The following DAB2IP variants were observed in gnomAD, a reference collection of about 807,000 sequenced individuals.
DAB2IP encodes disabled homolog 2-interacting protein.
A neutral mutation model predicts 107.2 loss-of-function variants in DAB2IP; 28 were observed. That is an observed-to-expected ratio of 0.26 (90% CI 0.19 to 0.36). DAB2IP has a LOEUF of 0.36. DAB2IP is among the 10% of genes least tolerant of loss of function. The probability of loss-of-function intolerance (pLI) is 1.00; values close to 1 mark genes in which losing one functional copy is unlikely to be tolerated. For missense variants in DAB2IP, 1,400 were observed against 1,644.7 expected (o/e 0.85, Z 2.57); for synonymous variants, 755 against 706.4 (o/e 1.07, Z -1.09).
At chr9:121,638,959 G>T (rs1404834618) in intron 1 of DAB2IP, among the ~76,000 whole-genome samples, 1 of 152,174 alleles carries the variant, frequency 6.6e-6, no homozygotes, top group Non-Finnish European at 1.5e-5. Flanking sequence ...GCAGTGAAGG[G>T]CTGGGGGCCA....
At position 121,773,179 on chromosome 9, in the gene DAB2IP, G is replaced by A. The variant is rs553670712; in HGVS notation, c.2651G>A (p.Arg884Gln). ...AGCACTGCCGCGGAGGAGCTGGCTC[G>A]GCGGCCCGGTGAGCTGGCACGGCGA... The change falls in exon 12 of 16, where the codon CGG becomes CAG. Residue 884 changes from arginine to glutamine, a missense_variant. By Grantham distance (43) the Arg-to-Gln change is conservative. This residue lies in a region of DAB2IP where 600 missense variants were observed against 659.1 expected (regional missense o/e 0.91). Coordinates refer to ENST00000408936, the Ensembl canonical transcript of DAB2IP. 20 of 1,595,550 alleles carry A rather than the reference G, an allele frequency of 1.3e-5. No homozygotes were observed. The highest frequency in any genetic ancestry group is 5.4e-5 in the African/African-American group (4 of 74,562).
At chr9:121,656,695 T>C (rs1474651095) in intron 1 of DAB2IP, among the ~76,000 whole-genome samples, 1 of 152,228 alleles carries the variant, frequency 6.6e-6, no homozygotes, top group Admixed American at 6.5e-5. Context: ...GCCTGCTCCA[T>C]GCCTGGCAAT....
At position 121,699,187 on chromosome 9, in the gene DAB2IP, T is replaced by G. The variant is rs1829609943; in HGVS notation, c.229-138T>G. ...CGGGCGGGCGGCGCGGGCCGCGAGC[T>G]GCTGGGGCCGAGCCCGAGCCCGGCC... On this transcript the variant is annotated intron_variant, in intron 2 of 15. Coordinates refer to ENST00000408936, the Ensembl canonical transcript of DAB2IP. This position sits in a 1 kb window ranked among gnomAD's most constrained non-coding sequence, Gnocchi z 6.2. 2.1e-6 allele frequency: 2 copies of G among 941,162 alleles called. No homozygotes were observed. The highest frequency in any genetic ancestry group is 5.4e-4 in the Middle Eastern group (1 of 1,866). The allele number at this position is 941,162 out of a possible 1,614,324, so 58.3% of individuals were successfully genotyped here.
intron 5 of DAB2IP, 59 bp from the exon 6 acceptor site, chr9:121,759,826 G>T: frequency 1.3e-6 from 2 of 1,485,886 alleles, no homozygotes; most frequent in South Asian, 1.3e-5. Flanking sequence ...GCTCTGGGCT[G>T]GTTGGGGGTT....
At chr9:121,784,190 C>G (rs1207653023) in exon 16 of DAB2IP, 1 of 155,114 alleles carries the variant, frequency 6.4e-6, no homozygotes, top group Non-Finnish European at 1.4e-5. Flanking sequence ...GGATCACAGA[C>G]CACAGGAAGA....
chr9:121,639,065 C>G (rs541876837), intron 1 of DAB2IP, among the ~76,000 whole-genome samples: 6 of 152,284 alleles, frequency 3.9e-5, no homozygotes, highest in African/African-American at 1.2e-4. Flanking sequence ...TAGGCTAGGA[C>G]TAGAGTCAAG....
intron 1 of DAB2IP, among the ~76,000 whole-genome samples, chr9:121,621,091 C>T (rs1831445796): frequency 6.6e-6 from 1 of 152,174 alleles, no homozygotes; most frequent in Non-Finnish European, 1.5e-5. Context: ...TCCTTCCCTT[C>T]CCTTTTTCCT....
intron 1 of DAB2IP, among the ~76,000 whole-genome samples, chr9:121,659,488 G>A (rs1003150185): frequency 2.0e-5 from 3 of 152,158 alleles, no homozygotes; most frequent in African/African-American, 7.2e-5. Flanking sequence ...ATTATTAGCT[G>A]TTCACCCAAA....
chr9:121,773,088 C>CA lies in DAB2IP; in HGVS notation c.2561dup (p.His854GlnfsTer35). ...CCTTGGCGACTCAGGCTCTGAGGGCCACAGCTCCCTGAGCTCACACAGCAA... is the reference window on the plus strand; with the variant it reads ...CCTTGGCGACTCAGGCTCTGAGGGCCAACAGCTCCCTGAGCTCACACAGCAA... On this transcript the variant is annotated frameshift_variant, in exon 12 of 16. Transcript: ENST00000408936. LOFTEE classifies it high-confidence loss of function. 6.2e-7 allele frequency: 1 copy of CA among 1,612,534 alleles called. No homozygotes were observed. Among genetic ancestry groups the CA allele is most frequent in the South Asian group, 1.1e-5 (1 of 91,070 alleles).
At chr9:121,696,160 T>C (rs1829417945) in intron 2 of DAB2IP, among the ~76,000 whole-genome samples, 1 of 152,208 alleles carries the variant, frequency 6.6e-6, no homozygotes, top group African/African-American at 2.4e-5. Context: ...TGAGCCACCA[T>C]GCCTGGCAAC....
chr9:121,775,884 CAT>C (rs1402128520), intron 13 of DAB2IP, among the ~76,000 whole-genome samples: 3 of 152,168 alleles, frequency 2.0e-5, no homozygotes, highest in African/African-American at 7.2e-5. Flanking sequence ...TAACCTTTGT[CAT>C]ATAAAAGTTC....
At chr9:121,785,256 A>C (rs1835928594) in exon 16 of DAB2IP, 1 of 152,574 alleles carries the variant, frequency 6.6e-6, no homozygotes, top group Admixed American at 6.5e-5. Context: ...TGCGGGAGCC[A>C]GACTGTCCAG....
At chr9:121,728,224 C>T (rs1279134441) in intron 3 of DAB2IP, among the ~76,000 whole-genome samples, 1 of 152,158 alleles carries the variant, frequency 6.6e-6, no homozygotes, top group Non-Finnish European at 1.5e-5. Context: ...TTCTCTGAAT[C>T]TCAGTTTCTT....
chr9:121,694,444 C>A (rs1389930934), intron 2 of DAB2IP, among the ~76,000 whole-genome samples: 1 of 152,134 alleles, frequency 6.6e-6, no homozygotes, highest in African/African-American at 2.4e-5. Flanking sequence ...AGCTTGATTG[C>A]TGGTAATATA....
intron 1 of DAB2IP, among the ~76,000 whole-genome samples, chr9:121,673,186 A>G (rs1254652194): frequency 6.6e-6 from 1 of 152,210 alleles, no homozygotes; most frequent in Non-Finnish European, 1.5e-5. Flanking sequence ...CAGCAGAGTC[A>G]GGGTTGAATC....
chr9:121,759,806 A>T, intron 5 of DAB2IP, 79 bp from the exon 6 acceptor site: 1 of 1,327,682 alleles, frequency 7.5e-7, no homozygotes, highest in Non-Finnish European at 1.0e-6. Context: ...GGGTCTGAGG[A>T]CTCTCTCAGG....
chr9:121,577,031 C>T (rs999607889), intron 1 of DAB2IP, among the ~76,000 whole-genome samples: 3 of 152,206 alleles, frequency 2.0e-5, no homozygotes, highest in African/African-American at 7.2e-5. Context: ...CTGTTCTCCC[C>T]CTTGACCATT....
Position 121,585,847 on chromosome 9 carries a change from TA to T in DAB2IP, c.40+18630del, listed in dbSNP as rs56837404. Among the ~76,000 whole-genome samples the T allele has an allele frequency of 3.4e-3, 510 of 149,062 alleles. 1 individual carries two copies. The highest frequency in any genetic ancestry group is 0.012 in the African/African-American group (490 of 40,740). On this transcript the variant is annotated intron_variant, in intron 1 of 16. Coordinates refer to the DAB2IP transcript ENST00000259371. Reference sequence around the variant, plus strand: ...CCAGCCTGGGTGAGGGTTAGGGATTTAAAAAAAAAAATAGAATGGGTTAATG... The same window carrying T: ...CCAGCCTGGGTGAGGGTTAGGGATTTAAAAAAAAAATAGAATGGGTTAATG...
In DAB2IP at chr9:121,774,357, AC is replaced by A. The variant is rs751187768; in HGVS notation, c.3073del (p.His1025ThrfsTer5). ...TTAGAAGACGAGGGCCTGGGCCCAG[AC>A]CCCCCCCACAGGGATAGGCTAAGGA... On this transcript the variant is annotated frameshift_variant, in exon 13 of 16. Transcript: ENST00000408936. LOFTEE classifies it high-confidence loss of function. 6 of 1,609,830 alleles carry A rather than the reference AC, an allele frequency of 3.7e-6. No individual in the cohort carries two copies. Among genetic ancestry groups the A allele is most frequent in the Admixed American group, 1.7e-5 (1 of 59,616 alleles).
Sources: gnomAD v4.1 joint callset for allele counts (sites outside exome capture counted in the v4.1 genomes callset) on GRCh38, gnomAD v4.1.1 for gene constraint, gnomAD v4.1.1 regional missense constraint, Gnocchi (gnomAD v3.1) non-coding constraint, MANE v1.5 for transcripts, NCBI Gene and HGNC (gene_info 2026-07-23, HGNC 2026-07-21) for gene names.